RFC3: variants seen among roughly 807,000 people sequenced by gnomAD.
The protein encoded by RFC3 is A1 38 kDa subunit.
RFC3 carries 41 observed loss-of-function variants against 45.1 expected under a neutral mutation model. The observed-to-expected ratio is 0.91, with a 90% confidence interval of 0.71 to 1.18. The LOEUF (loss-of-function observed/expected upper bound fraction) is 1.18. RFC3 is among the 50% of genes most tolerant of loss of function. The pLI is 0.00. For missense variants in RFC3, 423 were observed against 428.1 expected, an observed-to-expected ratio of 0.99 and a Z score of 0.10; for synonymous variants, 149 against 144.0, an observed-to-expected ratio of 1.03 and a Z score of -0.25.
chr13:33,869,394 ATTTT>A (rs11402336), intron 8 of RFC3, among the ~76,000 whole-genome samples: 2 of 148,470 alleles, frequency 1.3e-5, no homozygotes, highest in Admixed American at 6.7e-5. Flanking sequence ...AACTGTGTAG[ATTTT>A]TTTTTTTAGG....
At chr13:33,915,222 CTTTG>C (rs1264007782) in intron 8 of RFC3, among the ~76,000 whole-genome samples, 1 of 152,122 alleles carries the variant, frequency 6.6e-6, no homozygotes, top group Non-Finnish European at 1.5e-5. Context: ...AGCCTTAATC[CTTTG>C]TTTGGCTGTC....
At chr13:33,863,289 T>C (rs2082353251) in intron 8 of RFC3, among the ~76,000 whole-genome samples, 1 of 152,068 alleles carries the variant, frequency 6.6e-6, no homozygotes, top group African/African-American at 2.4e-5. Context: ...AAGAAAAGAC[T>C]GTTTTCATTA....
At chr13:33,932,291 CTATT>C (rs1199216830) in intron 8 of RFC3, among the ~76,000 whole-genome samples, 1 of 152,002 alleles carries the variant, frequency 6.6e-6, no homozygotes, top group Non-Finnish European at 1.5e-5. Context: ...TAATTTTTGT[CTATT>C]TATTCTTCTT....
At chr13:33,963,167 TATA>T (rs1390007251) in intron 8 of RFC3, among the ~76,000 whole-genome samples, 3 of 39,174 alleles carry the variant, frequency 7.7e-5, no homozygotes, top group Non-Finnish European at 1.9e-4. Flanking sequence ...CTTTTACAAT[TATA>T]ATTAAAATAT....
chr13:33,920,420 C>CTTTTTT (rs777079510), intron 8 of RFC3, among the ~76,000 whole-genome samples: 10 of 83,168 alleles, frequency 1.2e-4, no homozygotes, highest in East Asian at 3.7e-4. Context: ...TACAACCACA[C>CTTTTTT]TTTTTTTTTT....
intron 8 of RFC3, among the ~76,000 whole-genome samples, chr13:33,922,150 C>A (rs1566029308): frequency 1.6e-5 from 2 of 126,532 alleles, no homozygotes; most frequent in South Asian, 5.0e-4. Context: ...AGCTTCATTG[C>A]TTTTTTTTTT....
At chr13:33,952,359 G>A (rs942974084) in intron 8 of RFC3, among the ~76,000 whole-genome samples, 2 of 152,202 alleles carry the variant, frequency 1.3e-5, no homozygotes, top group Non-Finnish European at 2.9e-5. Context: ...AGCAACTGCA[G>A]AGAAAGAATA....
At chr13:33,973,857 G>A in the RFC3 span, among the ~76,000 whole-genome samples, 1 of 151,900 alleles carries the variant, frequency 6.6e-6, no homozygotes, top group Admixed American at 6.6e-5. Context: ...TACCATGTTG[G>A]CCAGGCTGGT....
chr13:33,849,085 C>G (rs2082259553), intron 8 of RFC3: 1 of 152,536 alleles, frequency 6.6e-6, no homozygotes, highest in Non-Finnish European at 1.5e-5. Context: ...GGCAGACAGA[C>G]AGATAGATAA....
intron 8 of RFC3, among the ~76,000 whole-genome samples, chr13:33,865,399 G>T (rs1458925717): frequency 6.6e-6 from 1 of 152,158 alleles, no homozygotes; most frequent in Non-Finnish European, 1.5e-5. Flanking sequence ...GGAATGCATG[G>T]ATTGAGTGTG....
intron 8 of RFC3, among the ~76,000 whole-genome samples, chr13:33,908,393 G>A (rs77046531): frequency 0.017 from 2,546 of 151,968 alleles, 72 homozygotes; most frequent in African/African-American, 0.056. Flanking sequence ...AAAGAGCTGT[G>A]GTTATCTGTG....
At position 33,958,208 on chromosome 13, in the gene RFC3, G is replaced by T. The variant is rs191062317; in HGVS notation, c.880-7879G>T. On this transcript the variant is annotated intron_variant, in intron 8 of 8. Coordinates refer to the RFC3 transcript ENST00000434425. ...AATGCCAGAGCATGAAGAAGTTTCT[G>T]CTGGAAGAGGGTGATTGAACATCGC... 1.4e-3 allele frequency among the ~76,000 whole-genome samples: 215 copies of T among 152,304 alleles called. 2 individuals carry two copies. Among genetic ancestry groups the T allele is most frequent in the African/African-American group, 4.8e-3 (200 of 41,564 alleles).
intron 8 of RFC3, among the ~76,000 whole-genome samples, chr13:33,959,581 G>A (rs748928444): frequency 4.3e-4 from 65 of 152,060 alleles, no homozygotes; most frequent in Admixed American, 2.0e-4. Flanking sequence ...ATGGCAATTT[G>A]TTTACATCCA....
intron 8 of RFC3, among the ~76,000 whole-genome samples, chr13:33,885,851 A>G (rs1593665632): frequency 1.3e-5 from 2 of 152,170 alleles, no homozygotes; most frequent in African/African-American, 2.4e-5. Flanking sequence ...TCCACCAGCC[A>G]TCTTTTTCCT....
chr13:33,962,633 A>C (rs2083064314), intron 8 of RFC3, among the ~76,000 whole-genome samples: 1 of 152,244 alleles, frequency 6.6e-6, no homozygotes, highest in South Asian at 2.1e-4. Flanking sequence ...GCAACAAAAT[A>C]CTATCCAACC....
At chr13:33,840,650 T>TG (rs2082191300), downstream of RFC3, among the ~76,000 whole-genome samples, 1 of 151,976 alleles carries the variant, frequency 6.6e-6, no homozygotes, top group Non-Finnish European at 1.5e-5. Context: ...AGTTGATCCT[T>TG]GAACTACAGA....
At chr13:33,872,367 T>C (rs1259362473) in intron 8 of RFC3, among the ~76,000 whole-genome samples, 2 of 152,136 alleles carry the variant, frequency 1.3e-5, no homozygotes, top group Non-Finnish European at 2.9e-5. Flanking sequence ...TTGAAAGAGG[T>C]AGTAAAAATA....
chr13:33,922,952 AGT>A (rs1420576224), intron 8 of RFC3, among the ~76,000 whole-genome samples: 2 of 152,144 alleles, frequency 1.3e-5, no homozygotes, highest in African/African-American at 4.8e-5. Context: ...GCATACAGTA[AGT>A]GTTCAATAAA....
At chr13:33,848,202 A>C (rs1486761419) in intron 8 of RFC3, 1 of 152,180 alleles carries the variant, frequency 6.6e-6, no homozygotes, top group Non-Finnish European at 1.5e-5. Flanking sequence ...TTCCAGCCCA[A>C]AGTAGACCTT....
Sources: gnomAD v4.1 joint callset for allele counts (sites outside exome capture counted in the v4.1 genomes callset) on GRCh38, gnomAD v4.1.1 for gene constraint, MANE v1.5 for transcripts, NCBI Gene and HGNC (gene_info 2026-07-23, HGNC 2026-07-21) for gene names.